TTC29: variants seen among roughly 807,000 people sequenced by gnomAD.
TTC29 encodes tetratricopeptide repeat domain 29, also known as tetratricopeptide repeat protein 29.
A neutral mutation model predicts 58.1 loss-of-function variants in TTC29; 49 were observed. That is an observed-to-expected ratio of 0.84 (90% CI 0.67 to 1.07). The LOEUF is 1.07. Ranked by LOEUF, TTC29 falls within the 50% of genes least tolerant of loss-of-function variation. The pLI is 0.00. For synonymous variants in TTC29, 209 were observed against 196.8 expected, an observed-to-expected ratio of 1.06 and a Z score of -0.52; for missense variants, 582 against 555.6, an observed-to-expected ratio of 1.05 and a Z score of -0.48.
chr4:146,886,550 G>A (rs1188451106), intron 6 of TTC29, among the ~76,000 whole-genome samples: 1 of 152,168 alleles, frequency 6.6e-6, no homozygotes, highest in Non-Finnish European at 1.5e-5. Flanking sequence ...GGGAAGCGTG[G>A]GCTAGGGTAG....
intron 11 of TTC29, 141 bp from the exon 12 acceptor site, chr4:146,707,692 T>C (rs563789837): frequency 2.1e-5 from 12 of 579,898 alleles, no homozygotes; most frequent in African/African-American, 1.5e-4. Flanking sequence ...CCAGGGCAGA[T>C]TGTATTGTAC....
At chr4:146,869,604 T>C (rs936842770) in intron 7 of TTC29, among the ~76,000 whole-genome samples, 5 of 152,068 alleles carry the variant, frequency 3.3e-5, no homozygotes, top group African/African-American at 1.2e-4. Context: ...AAGTTGGCTG[T>C]ATGTGGTATG....
At chr4:146,719,713 A>G (rs1295687371) in intron 11 of TTC29, among the ~76,000 whole-genome samples, 2 of 152,198 alleles carry the variant, frequency 1.3e-5, no homozygotes, top group Non-Finnish European at 2.9e-5. Flanking sequence ...CATGTAGGCT[A>G]TGACAACTGA....
At chr4:146,791,807 C>T (rs968844730) in intron 11 of TTC29, among the ~76,000 whole-genome samples, 4 of 152,092 alleles carry the variant, frequency 2.6e-5, no homozygotes, top group Admixed American at 6.6e-5. Context: ...CTCCAGTGAA[C>T]ACATGAAAAG....
chr4:146,838,038 T>C (rs1221674493), intron 8 of TTC29, among the ~76,000 whole-genome samples: 1 of 152,024 alleles, frequency 6.6e-6, no homozygotes, highest in East Asian at 1.9e-4. Flanking sequence ...ACATGGCCAC[T>C]CTATCCAATT....
chr4:146,729,904 G>C (rs572528198), intron 11 of TTC29, among the ~76,000 whole-genome samples: 1 of 151,906 alleles, frequency 6.6e-6, no homozygotes, highest in South Asian at 2.1e-4. Context: ...CCCTCGATAC[G>C]TGGGGATTAT....
At chr4:146,717,183 A>G (rs1742996028) in intron 11 of TTC29, among the ~76,000 whole-genome samples, 1 of 152,182 alleles carries the variant, frequency 6.6e-6, no homozygotes, top group South Asian at 2.1e-4. Context: ...CTCAGTTGCA[A>G]CATTTAGATA....
intron 5 of TTC29, 80 bp from the exon 6 acceptor site, chr4:146,903,809 A>C: frequency 6.5e-5 from 67 of 1,026,800 alleles, no homozygotes; most frequent in Non-Finnish European, 7.7e-5. Flanking sequence ...AACCAATATC[A>C]TGACTTCCTA....
At chr4:146,778,893 T>C (rs898426063) in intron 11 of TTC29, among the ~76,000 whole-genome samples, 2 of 140,552 alleles carry the variant, frequency 1.4e-5, no homozygotes, top group Non-Finnish European at 3.0e-5. Flanking sequence ...ATTCAGATGA[T>C]GGGTACACTA....
intron 11 of TTC29, among the ~76,000 whole-genome samples, chr4:146,719,013 T>TAC: frequency 6.6e-6 from 1 of 152,178 alleles, no homozygotes; most frequent in Non-Finnish European, 1.5e-5. Context: ...CAATTGACCA[T>TAC]ACACACATGT....
At chr4:146,895,627 C>T (rs1330749643) in intron 6 of TTC29, among the ~76,000 whole-genome samples, 1 of 152,124 alleles carries the variant, frequency 6.6e-6, no homozygotes, top group Admixed American at 6.5e-5. Flanking sequence ...CCCAGTCTGC[C>T]AGTAGCTAGG....
chr4:146,810,732 A>T (rs1255930151), intron 10 of TTC29, among the ~76,000 whole-genome samples: 1 of 151,842 alleles, frequency 6.6e-6, no homozygotes, highest in African/African-American at 2.4e-5. Context: ...CTGGGATTAC[A>T]GGCATATGCC....
chr4:146,795,246 T>C (rs1211873791), intron 11 of TTC29, among the ~76,000 whole-genome samples: 1 of 152,134 alleles, frequency 6.6e-6, no homozygotes, highest in Admixed American at 6.5e-5. Flanking sequence ...TGTGTGCAGG[T>C]ACATTCATAG....
intron 8 of TTC29, among the ~76,000 whole-genome samples, chr4:146,857,254 C>A (rs556512985): frequency 2.3e-4 from 32 of 139,626 alleles, no homozygotes; most frequent in African/African-American, 8.5e-4. Context: ...ATAAGGTAGG[C>A]GCTGTTTGTG....
chr4:146,837,670 G>A (rs1728600522), intron 8 of TTC29, among the ~76,000 whole-genome samples: 2 of 151,990 alleles, frequency 1.3e-5, no homozygotes, highest in Admixed American at 1.3e-4. Context: ...AAAATACAGT[G>A]TGGCAATCTG....
At chr4:146,916,666 G>A (rs574150317) in intron 4 of TTC29, among the ~76,000 whole-genome samples, 1 of 151,410 alleles carries the variant, frequency 6.6e-6, no homozygotes, top group Non-Finnish European at 1.5e-5. Flanking sequence ...GTCTCTGGGG[G>A]CATCTACTGG....
At chr4:146,857,298 G>GTGTGTGTGTGTGTGTGTGTGTGTGTA (rs1561193683) in intron 8 of TTC29, among the ~76,000 whole-genome samples, 4 of 151,628 alleles carry the variant, frequency 2.6e-5, no homozygotes, top group African/African-American at 9.7e-5. Flanking sequence ...GTGTGTGTGT[G>GTGTGTGTGTGTGTGTGTGTGTGTGTA]GAGGGTAATG....
rs369476091 is a variant in TTC29 at position 146,756,562 on chromosome 4, T to C, written c.1330+46895A>G. On this transcript the variant is annotated intron_variant, in intron 11 of 12. Coordinates refer to ENST00000325106, the MANE Select transcript of TTC29 (RefSeq NM_031956.4). ...GACAAGTTGCCTCCATATGGACAAG[T>C]AGATTTTCAATACAAACTAACCCAG... Among the ~76,000 whole-genome samples the C allele has an allele frequency of 2.6e-5, 4 of 152,222 alleles. No individual in the cohort carries two copies. The East Asian group carries it at 7.7e-4, about 29-fold the overall frequency.
chr4:146,770,935 T>A (rs1747677754), intron 11 of TTC29, among the ~76,000 whole-genome samples: 1 of 152,108 alleles, frequency 6.6e-6, no homozygotes, highest in Non-Finnish European at 1.5e-5. Context: ...AGAAACTGCA[T>A]GAAAATTGCT....
Sources: gnomAD v4.1 joint callset for allele counts (sites outside exome capture counted in the v4.1 genomes callset) on GRCh38, gnomAD v4.1.1 for gene constraint, MANE v1.5 for transcripts, NCBI Gene and HGNC (gene_info 2026-07-23, HGNC 2026-07-21) for gene names.